ADGRB3: variants seen among roughly 807,000 people sequenced by gnomAD.
ADGRB3 encodes the protein brain-specific angiogenesis inhibitor 3.
In ADGRB3, 37 loss-of-function variants were observed where a neutral mutation model predicts 193.4. The observed-to-expected ratio is 0.19, with a 90% confidence interval of 0.15 to 0.25. The LOEUF (loss-of-function observed/expected upper bound fraction) is 0.25. Ranked by LOEUF, ADGRB3 falls within the 10% of genes least tolerant of loss-of-function variation. ADGRB3 has a pLI of 1.00. For missense variants in ADGRB3, 1,637 were observed against 1,852.9 expected (o/e 0.88, Z 2.14); for synonymous variants, 690 against 644.2 (o/e 1.07, Z -1.08).
chr6:69,202,235 G>A (rs753153441), intron 17 of ADGRB3, among the ~76,000 whole-genome samples: 3 of 152,048 alleles, frequency 2.0e-5, no homozygotes, highest in Non-Finnish European at 2.9e-5. Flanking sequence ...TTTCCATTTG[G>A]CTTTTCAATA....
chr6:69,257,584 A>G (rs1343618707), intron 20 of ADGRB3, among the ~76,000 whole-genome samples: 1 of 152,228 alleles, frequency 6.6e-6, no homozygotes, highest in Non-Finnish European at 1.5e-5. Flanking sequence ...AATCCTGTTT[A>G]CCTATTTCCA....
intron 30 of ADGRB3, among the ~76,000 whole-genome samples, chr6:69,380,073 A>C (rs1769915641): frequency 6.6e-6 from 1 of 151,976 alleles, no homozygotes; most frequent in Non-Finnish European, 1.5e-5. Flanking sequence ...TGATCCACCC[A>C]GTTCTGAATT....
rs1768970663 is a variant in ADGRB3 at position 68,671,891 on chromosome 6, TC to T, written c.757+32462del. ...TAGAATTCAGAAGTAAAGCCATGAGTCCCAGGATTTTCTTTACTGGGAGATT... is the reference window on the plus strand; with the variant it reads ...TAGAATTCAGAAGTAAAGCCATGAGTCCAGGATTTTCTTTACTGGGAGATT... On this transcript the variant is annotated intron_variant, in intron 3 of 31. Transcript: ENST00000370598. Among the ~76,000 whole-genome samples, 3 of 152,126 alleles carry T rather than the reference TC, an allele frequency of 2.0e-5. No homozygotes were observed. The East Asian group carries it at 5.8e-4, about 30-fold the overall frequency.
intron 3 of ADGRB3, among the ~76,000 whole-genome samples, chr6:68,766,908 T>C (rs1473909343): frequency 6.6e-6 from 1 of 152,056 alleles, no homozygotes; most frequent in Admixed American, 6.6e-5. Flanking sequence ...AATAATTCAT[T>C]TGTAACATAC....
chr6:68,766,805 T>TAA (rs1387153655), intron 3 of ADGRB3, among the ~76,000 whole-genome samples: 3 of 151,988 alleles, frequency 2.0e-5, no homozygotes, highest in Non-Finnish European at 4.4e-5. Flanking sequence ...AAGTTGCAGC[T>TAA]TATTTATGCT....
chr6:68,726,570 G>A (rs1400514284), intron 3 of ADGRB3, among the ~76,000 whole-genome samples: 1 of 151,538 alleles, frequency 6.6e-6, no homozygotes, highest in African/African-American at 2.4e-5. Flanking sequence ...GCATTTAGAT[G>A]GACCATGTGG....
chr6:68,996,874 T>C (rs1466379792), intron 11 of ADGRB3, among the ~76,000 whole-genome samples: 2 of 152,214 alleles, frequency 1.3e-5, no homozygotes, highest in Non-Finnish European at 2.9e-5. Context: ...CTATAGAAGA[T>C]GTTCAACAAA....
At chr6:68,952,087 A>G (rs544211403) in intron 6 of ADGRB3, among the ~76,000 whole-genome samples, 22 of 152,278 alleles carry the variant, frequency 1.4e-4, no homozygotes, top group Non-Finnish European at 2.1e-4. Context: ...CACAAATTCT[A>G]TCTGGAAATG....
chr6:69,254,277 C>G (rs1325222404), intron 20 of ADGRB3, among the ~76,000 whole-genome samples: 1 of 152,112 alleles, frequency 6.6e-6, no homozygotes, highest in South Asian at 2.1e-4. Context: ...AAAACAGTTG[C>G]TCTTTTGCCT....
At chr6:68,955,841 G>A (rs944426822) in intron 6 of ADGRB3, among the ~76,000 whole-genome samples, 183 bp from the exon 7 acceptor site, 5 of 152,002 alleles carry the variant, frequency 3.3e-5, no homozygotes, top group African/African-American at 1.2e-4. Context: ...AAATAAAAGT[G>A]GGAAAATAAG....
chr6:69,028,196 A>G (rs1361277504), intron 13 of ADGRB3, among the ~76,000 whole-genome samples: 1 of 152,202 alleles, frequency 6.6e-6, no homozygotes, highest in East Asian at 1.9e-4. Flanking sequence ...CAAATGAAAT[A>G]ATTCCTACTT....
chr6:69,030,919 A>G (rs1321336771), intron 13 of ADGRB3, among the ~76,000 whole-genome samples: 1 of 113,386 alleles, frequency 8.8e-6, no homozygotes, highest in Non-Finnish European at 1.9e-5. Context: ...AGACTTAGCC[A>G]CAAACATTTT....
intron 17 of ADGRB3, among the ~76,000 whole-genome samples, chr6:69,198,946 G>C (rs917295231): frequency 5.3e-5 from 8 of 152,184 alleles, no homozygotes; most frequent in African/African-American, 1.9e-4. Context: ...TCAAGCTCAA[G>C]TGCCAGGCTC....
intron 3 of ADGRB3, among the ~76,000 whole-genome samples, chr6:68,895,186 A>G (rs755390961): frequency 1.3e-5 from 2 of 150,580 alleles, no homozygotes; most frequent in East Asian, 1.9e-4. Context: ...TCAATATTGT[A>G]CTGGTTTCAT....
intron 3 of ADGRB3, among the ~76,000 whole-genome samples, chr6:68,663,859 G>A (rs765383216): frequency 4.6e-5 from 7 of 151,822 alleles, no homozygotes; most frequent in Non-Finnish European, 8.8e-5. Context: ...AAGTATTTTA[G>A]CGTGCTACAC....
At chr6:68,727,137 T>C (rs1765688389) in intron 3 of ADGRB3, among the ~76,000 whole-genome samples, 1 of 151,618 alleles carries the variant, frequency 6.6e-6, no homozygotes, top group African/African-American at 2.4e-5. Context: ...GCTTTGTCAT[T>C]CAATGATGCT....
intron 26 of ADGRB3, among the ~76,000 whole-genome samples, chr6:69,344,790 A>T (rs1769049767): frequency 6.6e-6 from 1 of 152,120 alleles, no homozygotes; most frequent in African/African-American, 2.4e-5. Context: ...AAAGACTTCA[A>T]AACTCATGGG....
chr6:69,164,804 C>A (rs184921371), intron 17 of ADGRB3, among the ~76,000 whole-genome samples: 20 of 152,178 alleles, frequency 1.3e-4, no homozygotes, highest in African/African-American at 4.3e-4. Context: ...GTTACACAAT[C>A]ATAATTAGAT....
intron 3 of ADGRB3, among the ~76,000 whole-genome samples, chr6:68,806,937 G>A (rs1191384174): frequency 2.6e-5 from 4 of 152,060 alleles, no homozygotes; most frequent in African/African-American, 7.2e-5. Flanking sequence ...TCTTAAACAT[G>A]TGTTAAAGGT....
Sources: gnomAD v4.1 joint callset for allele counts (sites outside exome capture counted in the v4.1 genomes callset) on GRCh38, gnomAD v4.1.1 for gene constraint, MANE v1.5 for transcripts, NCBI Gene and HGNC (gene_info 2026-07-23, HGNC 2026-07-21) for gene names.